Variants in SMOC2 observed in about 807,000 individuals in gnomAD.
SMOC2 encodes the protein SPARC related modular calcium binding 2, also known as SPARC-related modular calcium-binding protein 2.
Under a neutral mutation model 61.4 loss-of-function variants are expected in SMOC2, and 39 were observed. That is an observed-to-expected ratio of 0.64 (90% CI 0.49 to 0.83). The LOEUF (loss-of-function observed/expected upper bound fraction) is 0.83. Ranked by LOEUF, SMOC2 falls within the 40% of genes least tolerant of loss-of-function variation. The pLI, the probability that SMOC2 is intolerant of heterozygous loss-of-function variation, is 0.00. For synonymous variants in SMOC2, 247 were observed against 239.9 expected, an observed-to-expected ratio of 1.03 and a Z score of -0.27; for missense variants, 556 against 592.9, an observed-to-expected ratio of 0.94 and a Z score of 0.65.
At chr6:168,599,196 CCACA>C (rs879702883) in intron 8 of SMOC2, among the ~76,000 whole-genome samples, 192 bp downstream of exon 8, 26 of 141,598 alleles carry the variant, frequency 1.8e-4, no homozygotes, top group African/African-American at 4.6e-4. Flanking sequence ...CACACTCATA[CCACA>C]CACACACTCA....
chr6:168,564,617 T>C (rs1784502021), intron 7 of SMOC2, among the ~76,000 whole-genome samples: 1 of 152,256 alleles, frequency 6.6e-6, no homozygotes, highest in Non-Finnish European at 1.5e-5. Flanking sequence ...TCTGTCATAC[T>C]GGAAATGCAC....
intron 7 of SMOC2, among the ~76,000 whole-genome samples, chr6:168,568,625 A>G (rs1044430204): frequency 1.3e-5 from 2 of 152,068 alleles, no homozygotes; most frequent in Admixed American, 6.5e-5. Flanking sequence ...ACCCACCATC[A>G]TGGTATCATA....
intron 8 of SMOC2, among the ~76,000 whole-genome samples, chr6:168,600,133 C>T (rs561355819): frequency 1.3e-5 from 2 of 152,160 alleles, no homozygotes; most frequent in East Asian, 1.9e-4. Context: ...TGGTCAGGCG[C>T]GGTGGTTCAC....
chr6:168,616,636 A>G (rs1034497328), intron 9 of SMOC2, among the ~76,000 whole-genome samples: 2 of 152,242 alleles, frequency 1.3e-5, no homozygotes, highest in African/African-American at 4.8e-5. Context: ...TTGCCCATGA[A>G]TAAGATTAGT....
At chr6:168,567,243 A>T (rs1046106027) in intron 7 of SMOC2, among the ~76,000 whole-genome samples, 6 of 152,208 alleles carry the variant, frequency 3.9e-5, no homozygotes, top group Non-Finnish European at 8.8e-5. Flanking sequence ...GAGAGATTTT[A>T]TTGGCTCAAT....
intron 4 of SMOC2, among the ~76,000 whole-genome samples, chr6:168,532,439 T>A (rs10945511): frequency 1.3e-5 from 2 of 150,718 alleles, no homozygotes; most frequent in African/African-American, 4.9e-5. Flanking sequence ...CCTCCCCCCC[T>A]CCCCCACAAA....
intron 7 of SMOC2, among the ~76,000 whole-genome samples, chr6:168,585,043 G>A (rs1418674551): frequency 1.3e-5 from 2 of 152,184 alleles, no homozygotes; most frequent in Non-Finnish European, 2.9e-5. Flanking sequence ...CTGCAGCCTT[G>A]GTTACCCAGG....
chr6:168,623,503 T>C (rs1252723836), intron 9 of SMOC2, among the ~76,000 whole-genome samples: 1 of 125,802 alleles, frequency 7.9e-6, no homozygotes, highest in African/African-American at 2.5e-5. Flanking sequence ...ATTTATTTAT[T>C]TATTTATTTA....
intron 7 of SMOC2, among the ~76,000 whole-genome samples, chr6:168,565,403 G>T (rs1468304735): frequency 2.0e-5 from 3 of 152,160 alleles, no homozygotes; most frequent in East Asian, 3.9e-4. Context: ...TCCCTCTGTG[G>T]TGTTCCCTCT....
At position 168,653,064 on chromosome 6, in the gene SMOC2, C is replaced by G; in HGVS notation, c.1121C>G (p.Pro374Arg). 16 of 1,614,148 alleles carry G rather than the reference C, an allele frequency of 9.9e-6. No individual in the cohort carries two copies. Among genetic ancestry groups the G allele is most frequent in the Non-Finnish European group, 1.4e-5 (16 of 1,180,042 alleles). Residue 374 changes from proline to arginine, a missense_variant, in exon 11 of 13, where the codon CCC (proline) becomes CGC (arginine). Coordinates refer to ENST00000356284, the MANE Select transcript of SMOC2 (RefSeq NM_001166412.2). The stretch of plus-strand genomic sequence containing the variant: ...GACATCGGCAAAAAGGAAATCAAAC[C>G]CTTCAAGAGGTTCCTTCGCAAAAAA... Reference protein sequence around the residue: ...SGDIGKKEIKPFKRFLRKKSK... With the variant: ...SGDIGKKEIKRFKRFLRKKSK...
chr6:168,526,105 G>A lies in SMOC2; in HGVS notation c.257-241G>A, dbSNP rs6919839. ...TTCTTCCTCACTCAATGTGGAGAAT[G>A]GGCCTGCCCTTCCCGCCCCTGGGCC... On this transcript the variant is annotated intron_variant, in intron 2 of 12. Coordinates refer to ENST00000356284, the MANE Select transcript of SMOC2 (RefSeq NM_001166412.2). Among the ~76,000 whole-genome samples, 25,108 of 152,174 alleles carry A rather than the reference G, an allele frequency of 0.16. 2,156 individuals carry two copies. The highest frequency in any genetic ancestry group is 0.22 in the Admixed American group (3,294 of 15,286).
intron 7 of SMOC2, among the ~76,000 whole-genome samples, chr6:168,559,496 A>AAAATG (rs1784343018): frequency 6.6e-6 from 1 of 151,890 alleles, no homozygotes; most frequent in Non-Finnish European, 1.5e-5. Context: ...AAAATAAAAT[A>AAAATG]AAATAGTAAC....
At chr6:168,606,994 C>G (rs113205307) in intron 8 of SMOC2, among the ~76,000 whole-genome samples, 1 of 151,938 alleles carries the variant, frequency 6.6e-6, no homozygotes, top group Non-Finnish European at 1.5e-5. Flanking sequence ...GGAGGGGAAG[C>G]GAGGAAAGTT....
Position 168,638,513 on chromosome 6 carries a change from A to T in SMOC2, c.908-12168A>T, listed in dbSNP as rs1257254774. On this transcript the variant is annotated intron_variant, in intron 9 of 12. Coordinates refer to ENST00000356284, the MANE Select transcript of SMOC2 (RefSeq NM_001166412.2). ...GGGTTTTAGCCGCAGAGCTGCTGGA[A>T]GCGGGGTCTGGAGGGAATGCTTTCA... 2.6e-5 allele frequency among the ~76,000 whole-genome samples: 4 copies of T among 152,120 alleles called. No homozygotes were observed. The East Asian group carries it at 7.7e-4, about 29-fold the overall frequency.
At chr6:168,542,097 C>T (rs1006631914) in intron 4 of SMOC2, among the ~76,000 whole-genome samples, 1 of 152,150 alleles carries the variant, frequency 6.6e-6, no homozygotes, top group Non-Finnish European at 1.5e-5. Flanking sequence ...GATCATTTCC[C>T]GTCAAAAGTA....
At chr6:168,659,555 G>GGTGGAGGTTATAAT (rs1787426608) in intron 11 of SMOC2, among the ~76,000 whole-genome samples, 1 of 151,814 alleles carries the variant, frequency 6.6e-6, no homozygotes, top group South Asian at 2.1e-4. Context: ...GCTGGGTGAG[G>GGTGGAGGTTATAAT]ATGGAGGTTG....
chr6:168,538,320 G>A (rs1302514996), intron 4 of SMOC2, among the ~76,000 whole-genome samples: 1 of 143,012 alleles, frequency 7.0e-6, no homozygotes, highest in African/African-American at 2.6e-5. Flanking sequence ...GCTGGAATGT[G>A]GGGGAGTGGG....
At chr6:168,501,609 C>A (rs1432222074) in intron 1 of SMOC2, among the ~76,000 whole-genome samples, 2 of 152,130 alleles carry the variant, frequency 1.3e-5, no homozygotes, top group Non-Finnish European at 2.9e-5. Flanking sequence ...GCTCAGGGGA[C>A]CAAAAGCCAG....
intron 1 of SMOC2, among the ~76,000 whole-genome samples, chr6:168,492,315 A>G (rs1218440950): frequency 2.0e-5 from 3 of 152,228 alleles, no homozygotes; most frequent in African/African-American, 7.2e-5. Flanking sequence ...TTTTTAATCC[A>G]CAAGACACCC....
Sources: allele counts gnomAD v4.1 joint callset (sites outside exome capture counted in the v4.1 genomes callset), GRCh38; gene constraint gnomAD v4.1.1; transcripts MANE v1.5; gene names NCBI Gene and HGNC (gene_info 2026-07-23, HGNC 2026-07-21).